Variants in TSPAN13 observed in about 807,000 individuals in gnomAD.
TSPAN13 encodes the protein tetraspanin-13.
A neutral mutation model predicts 26.9 loss-of-function variants in TSPAN13; 18 were observed. The observed-to-expected ratio is 0.67, with a 90% CI of 0.46 to 0.99. TSPAN13 has a LOEUF of 0.99. Ranked by LOEUF, TSPAN13 falls within the 50% of genes least tolerant of loss-of-function variation. The pLI, the probability that TSPAN13 is intolerant of heterozygous loss-of-function variation, is 0.00. For synonymous variants in TSPAN13, 116 were observed against 98.4 expected, an observed-to-expected ratio of 1.18 and a Z score of -1.06; for missense variants, 201 against 249.6, an observed-to-expected ratio of 0.81 and a Z score of 1.31.
intron 1 of TSPAN13, among the ~76,000 whole-genome samples, chr7:16,760,061 A>G (rs1784525025): frequency 6.6e-6 from 1 of 152,174 alleles, no homozygotes; most frequent in Admixed American, 6.5e-5. Flanking sequence ...AAGCAGTACA[A>G]TGCAGGAAAT....
intron 1 of TSPAN13, 69 bp downstream of exon 1, chr7:16,754,099 C>T: frequency 6.7e-7 from 1 of 1,497,326 alleles, no homozygotes; most frequent in Non-Finnish European, 9.2e-7. Context: ...TTTGGCTTCC[C>T]TGCCTGGTCA....
intron 2 of TSPAN13, among the ~76,000 whole-genome samples, chr7:16,776,766 T>C (rs544860526): frequency 6.6e-6 from 1 of 152,328 alleles, no homozygotes; most frequent in East Asian, 1.9e-4. Flanking sequence ...CTATGTCTGT[T>C]TTGTAAATGT....
chr7:16,763,554 G>A (rs1784571814), intron 1 of TSPAN13, among the ~76,000 whole-genome samples: 1 of 152,172 alleles, frequency 6.6e-6, no homozygotes, highest in Non-Finnish European at 1.5e-5. Context: ...ATCTTTCCCT[G>A]TCCATGATGG....
In TSPAN13 at chr7:16,758,623, A is replaced by C. The variant is rs192559745; in HGVS notation, c.63+4593A>C. On this transcript the variant is annotated intron_variant, in intron 1 of 5. Transcript: ENST00000262067. The stretch of plus-strand genomic sequence containing the variant: ...TGTTACTTTTAGTCTGCAATGATCA[A>C]GGTTAAGTGCAGAAGCACAGCTAAA... 6.6e-5 allele frequency among the ~76,000 whole-genome samples: 10 copies of C among 152,342 alleles called. No individual in the cohort carries two copies. The East Asian group carries it at 1.9e-3, about 29-fold the overall frequency.
chr7:16,767,944 C>T (rs1439437050), intron 1 of TSPAN13, among the ~76,000 whole-genome samples: 1 of 151,966 alleles, frequency 6.6e-6, no homozygotes, highest in Non-Finnish European at 1.5e-5. Context: ...TGGAGTATCG[C>T]TCTTGTTGCC....
chr7:16,768,254 C>T (rs1302497253), intron 1 of TSPAN13, among the ~76,000 whole-genome samples: 4 of 152,176 alleles, frequency 2.6e-5, no homozygotes, highest in Non-Finnish European at 5.9e-5. Flanking sequence ...ATATATTCTC[C>T]TAGTCCTAGG....
chr7:16,758,023 C>T (rs771842539), intron 1 of TSPAN13, among the ~76,000 whole-genome samples: 10 of 152,116 alleles, frequency 6.6e-5, no homozygotes, highest in South Asian at 2.1e-4. Context: ...TTAGTAGAGA[C>T]GGGGTTTCGC....
intron 1 of TSPAN13, among the ~76,000 whole-genome samples, chr7:16,764,110 C>T (rs772114489): frequency 3.9e-5 from 6 of 152,042 alleles, no homozygotes; most frequent in East Asian, 1.9e-4. Context: ...CTCTGCCTGT[C>T]GGGTTCAAGC....
chr7:16,757,670 C>G (rs1784495250), intron 1 of TSPAN13, among the ~76,000 whole-genome samples: 1 of 152,128 alleles, frequency 6.6e-6, no homozygotes, highest in Non-Finnish European at 1.5e-5. Context: ...ATTCTTATAA[C>G]ATCTTTCCAT....
chr7:16,773,280 T>A (rs1784703458), intron 1 of TSPAN13, among the ~76,000 whole-genome samples: 1 of 151,834 alleles, frequency 6.6e-6, no homozygotes, highest in South Asian at 2.1e-4. Context: ...CAGATCCATC[T>A]CATTGACTAT....
At chr7:16,754,785 CTT>C (rs1202191774) in intron 1 of TSPAN13, among the ~76,000 whole-genome samples, 3 of 152,014 alleles carry the variant, frequency 2.0e-5, no homozygotes, top group South Asian at 2.1e-4. Flanking sequence ...TGCAGGCTCT[CTT>C]TGTGATTTTT....
At chr7:16,757,844 T>A (rs1583785373) in intron 1 of TSPAN13, among the ~76,000 whole-genome samples, 1 of 152,166 alleles carries the variant, frequency 6.6e-6, no homozygotes, top group African/African-American at 2.4e-5. Context: ...TTTCTATTTG[T>A]ATTTTTGAGA....
intron 1 of TSPAN13, among the ~76,000 whole-genome samples, chr7:16,762,457 G>A (rs1784553253): frequency 6.6e-6 from 1 of 152,140 alleles, no homozygotes; most frequent in Admixed American, 6.5e-5. Context: ...AACCTCGGGC[G>A]ATAATCCAGG....
intron 1 of TSPAN13, among the ~76,000 whole-genome samples, chr7:16,761,106 A>G (rs1784536726): frequency 1.3e-5 from 2 of 152,320 alleles, no homozygotes; most frequent in African/African-American, 2.4e-5. Flanking sequence ...CCCTTGGAAA[A>G]TGACAAGTGG....
In TSPAN13 at chr7:16,753,871, C is replaced by A. The variant is rs906524164; in HGVS notation, c.-97C>A. ...CACCCACGTCTGCGTTGCTGCCCCG[C>A]CTGGGCCAGGCCCCAAAGGCAAGGA... On this transcript the variant is annotated 5_prime_UTR_variant, in exon 1 of 6. Coordinates refer to ENST00000262067, the MANE Select transcript of TSPAN13 (RefSeq NM_014399.4). 7.5e-7 allele frequency: 1 copy of A among 1,337,854 alleles called. No homozygotes were observed. Among genetic ancestry groups the A allele is most frequent in the Non-Finnish European group, 1.0e-6 (1 of 952,594 alleles). The allele number at this position is 1,337,854 out of a possible 1,614,324, so 82.9% of individuals were successfully genotyped here. A position where few individuals can be genotyped will look rare whatever the true frequency, so the allele number is the denominator to read the frequency against.
chr7:16,754,103 C>G (rs1420686324), intron 1 of TSPAN13, 73 bp downstream of exon 1: 3 of 1,479,708 alleles, frequency 2.0e-6, no homozygotes, highest in Non-Finnish European at 2.8e-6. Flanking sequence ...GCTTCCCTGC[C>G]TGGTCAGCGA....
intron 1 of TSPAN13, among the ~76,000 whole-genome samples, chr7:16,761,850 A>G (rs1784544716): frequency 1.3e-5 from 2 of 151,724 alleles, no homozygotes; most frequent in Admixed American, 1.3e-4. Flanking sequence ...TATTTTCTTT[A>G]CATGTCTGTG....
rs7794382 is a variant in TSPAN13 at position 16,779,298 on chromosome 7, G to C, written c.540+182G>C. Among the ~76,000 whole-genome samples, 582 of 152,244 alleles carry C rather than the reference G, an allele frequency of 3.8e-3. 3 individuals carry two copies. Among genetic ancestry groups the C allele is most frequent in the African/African-American group, 0.012 (519 of 41,530 alleles). ...TATTAATAGCACCAACTTTAGGACC[G>C]GGTGAAAGGCTTGATCTGTCTCTTC... is the stretch of plus-strand genomic sequence containing the variant. On this transcript the variant is annotated intron_variant, in intron 5 of 5. Coordinates refer to ENST00000262067, the MANE Select transcript of TSPAN13 (RefSeq NM_014399.4).
At chr7:16,770,783 C>T (rs370640291) in intron 1 of TSPAN13, among the ~76,000 whole-genome samples, 2 of 152,178 alleles carry the variant, frequency 1.3e-5, no homozygotes, top group Non-Finnish European at 2.9e-5. Flanking sequence ...CCCCAAATGC[C>T]GTCACCTCTT....
Sources: allele counts gnomAD v4.1 joint callset (sites outside exome capture counted in the v4.1 genomes callset), GRCh38; gene constraint gnomAD v4.1.1; transcripts MANE v1.5; gene names NCBI Gene and HGNC (gene_info 2026-07-23, HGNC 2026-07-21).